NPC1: variants seen among roughly 807,000 people sequenced by gnomAD.
The protein encoded by NPC1 is Niemann-Pick C1 protein.
NPC1 carries 85 observed loss-of-function variants against 140.4 expected under a neutral mutation model. The observed-to-expected ratio is 0.61, with a 90% confidence interval of 0.51 to 0.72. NPC1 has a LOEUF of 0.72. Among genes scored for constraint, NPC1 ranks in the 30% least tolerant of loss-of-function variants. NPC1 has a pLI of 0.00. For missense variants in NPC1, 1,504 were observed against 1,623.8 expected (o/e 0.93, Z 1.27); for synonymous variants, 656 against 624.8 (o/e 1.05, Z -0.74).
chr18:23,559,758 T>C (rs2059010634), intron 6 of NPC1, among the ~76,000 whole-genome samples: 1 of 152,130 alleles, frequency 6.6e-6, no homozygotes, highest in African/African-American at 2.4e-5. Context: ...GAGATCAGCC[T>C]GGCCAACACG....
At position 23,586,491 on chromosome 18, in the gene NPC1, C is replaced by CA; in HGVS notation, c.-149_-148insT. On this transcript the variant is annotated 5_prime_UTR_variant, in exon 1 of 25. Transcript: ENST00000269228. ...GCGCTGACCGCGGCAGCAGGCTGCG[C>CA]GCGCCGGTCAGGAAGGAAGAAGGCG... 7.0e-7 allele frequency: 1 copy of CA among 1,421,686 alleles called. No individual in the cohort carries two copies. The allele number at this position is 1,421,686 out of a possible 1,614,324, so 88.1% of individuals were successfully genotyped here.
intron 3 of NPC1, among the ~76,000 whole-genome samples, chr18:23,516,727 CTTT>C (rs35162212): frequency 2.7e-5 from 2 of 73,942 alleles, no homozygotes; most frequent in Non-Finnish European, 2.9e-5. Flanking sequence ...ATTTCTTCTT[CTTT>C]TTTTTTTTTT....
chr18:23,584,356 T>C (rs781118001), intron 1 of NPC1, among the ~76,000 whole-genome samples: 2 of 152,202 alleles, frequency 1.3e-5, no homozygotes, highest in Non-Finnish European at 1.5e-5. Context: ...CCCCAATCTG[T>C]TCAGGTGCAC....
At chr18:23,529,212 C>T (rs1299224447), downstream of NPC1, 4 of 1,614,020 alleles carry the variant, frequency 2.5e-6, no homozygotes, top group Non-Finnish European at 2.5e-6. Context: ...AAGCAGCCCG[C>T]TCCTCAAGAG....
intron 14 of NPC1, among the ~76,000 whole-genome samples, chr18:23,542,690 T>C (rs956288878): frequency 3.3e-5 from 5 of 152,218 alleles, no homozygotes; most frequent in Admixed American, 2.6e-4. Flanking sequence ...GCTTCCCCAA[T>C]GAGTTGTGTG....
chr18:23,574,622 T>C (rs1368455455), intron 1 of NPC1, among the ~76,000 whole-genome samples: 2 of 152,098 alleles, frequency 1.3e-5, no homozygotes, highest in African/African-American at 4.8e-5. Context: ...CAGCAGGAGA[T>C]TGGGATTTGT....
In NPC1 at chr18:23,535,563, C is replaced by T; in HGVS notation, c.3383G>A (p.Cys1128Tyr). ...GACCAAGACCATGGCGATGGTGGCACACATGATGACTGCAGACCAGAGCTC... is the reference window on the plus strand; with the variant it reads ...GACCAAGACCATGGCGATGGTGGCATACATGATGACTGCAGACCAGAGCTC... ...GCELWSAVIM[C>Y]ATIAMVLVNM... Residue 1128 changes from cysteine to tyrosine, a missense_variant, in exon 22 of 25, where the codon TGT becomes TAT. Coordinates refer to ENST00000269228, the MANE Select transcript of NPC1 (RefSeq NM_000271.5). 1 of 1,614,106 alleles carries T rather than the reference C, an allele frequency of 6.2e-7. No individual in the cohort carries two copies. Among genetic ancestry groups the T allele is most frequent in the Non-Finnish European group, 8.5e-7 (1 of 1,180,012 alleles).
At chr18:23,515,516 C>T (rs889641653) in intron 3 of NPC1, among the ~76,000 whole-genome samples, 3 of 152,054 alleles carry the variant, frequency 2.0e-5, no homozygotes, top group Admixed American at 2.0e-4. Flanking sequence ...GATCTTCTGA[C>T]AGTTTGCTGT....
intron 3 of NPC1, chr18:23,515,786 G>A: frequency 6.3e-7 from 1 of 1,586,522 alleles, no homozygotes; most frequent in Non-Finnish European, 8.6e-7. Flanking sequence ...GCCCACCTTA[G>A]CCTCCCAAAG....
rs2058690136 is a variant in NPC1 at position 23,539,994 on chromosome 18, T to C, written c.2612A>G (p.Tyr871Cys). 1 of 1,613,382 alleles carries C rather than the reference T, an allele frequency of 6.2e-7. No homozygotes were observed. The highest frequency in any genetic ancestry group is 1.1e-5 in the South Asian group (1 of 91,088). Reference protein sequence around the residue: ...DQSLSMPDDSYMVDYFKSISQ... With the variant: ...DQSLSMPDDSCMVDYFKSISQ... ...GATGGATTTGAAATAATCCACCATG[T>C]AGGAGTCCTGAAAGAAAGATAAAAG... Residue 871 changes from tyrosine (Y) to cysteine (C), a missense_variant, in exon 18 of 25, where the codon TAC (tyrosine) becomes TGC (cysteine). Tyr to Cys is a radical substitution (Grantham distance 194, BLOSUM62 -2). Transcript: ENST00000269228.
Position 23,539,887 on chromosome 18 carries a change from T to G in NPC1, c.2719A>C (p.Met907Leu). The change falls in exon 18 of 25, where the codon ATG (methionine) becomes CTG (leucine). Residue 907 changes from methionine (M) to leucine (L), a missense_variant. Coordinates refer to ENST00000269228, the MANE Select transcript of NPC1 (RefSeq NM_000271.5). ...TTGCAGCCCATGCCGCCGCACACCA[T>G]GTTCTGCCCCTTGGAAGAAGTGTAG... ...HDYTSSKGQN[M>L]VCGGMGCNND... 6.2e-7 allele frequency: 1 copy of G among 1,614,196 alleles called. No homozygotes were observed. Among genetic ancestry groups the G allele is most frequent in the Non-Finnish European group, 8.5e-7 (1 of 1,180,024 alleles).
intron 17 of NPC1, 40 bp downstream of exon 17, chr18:23,540,408 T>C: frequency 7.9e-7 from 1 of 1,268,958 alleles, no homozygotes; most frequent in Non-Finnish European, 1.1e-6. Context: ...CATCATCAGC[T>C]AAAGAAGTTA....
intron 3 of NPC1, chr18:23,509,144 A>G (rs976319414): frequency 6.4e-5 from 41 of 643,468 alleles, no homozygotes; most frequent in Non-Finnish European, 8.3e-5. Flanking sequence ...AGAGAGTTAT[A>G]TGTGTTTTTT....
At chr18:23,557,481 C>T (rs557628375) in intron 6 of NPC1, among the ~76,000 whole-genome samples, 10 of 152,312 alleles carry the variant, frequency 6.6e-5, no homozygotes, top group Non-Finnish European at 1.0e-4. Context: ...CTGGGCTAGG[C>T]GCGGTGGCTC....
At chr18:23,511,532 CCTATAATCCCGATAAATAATTATTAT>C (rs1176340353) in intron 3 of NPC1, among the ~76,000 whole-genome samples, 4 of 152,082 alleles carry the variant, frequency 2.6e-5, no homozygotes, top group Non-Finnish European at 4.4e-5. Context: ...GCAAATGTTC[CCTATAATCCCGATAAATAATTATTAT>C]GAACAGTTTG....
exon 4 of NPC1, chr18:23,506,449 T>G (rs1181241556): frequency 6.6e-6 from 1 of 152,306 alleles, no homozygotes; most frequent in African/African-American, 2.4e-5. Context: ...CTGAGGCTGG[T>G]CTCGAATTCC....
At chr18:23,554,005 G>T (rs1013967102) in intron 9 of NPC1, among the ~76,000 whole-genome samples, 2 of 152,132 alleles carry the variant, frequency 1.3e-5, no homozygotes, top group South Asian at 2.1e-4. Context: ...TAAATCTTGT[G>T]GGGGGTGTGA....
At chr18:23,530,618 A>G (rs2058463994), downstream of NPC1, 2 of 1,611,228 alleles carry the variant, frequency 1.2e-6, no homozygotes, top group Non-Finnish European at 1.7e-6. Context: ...ACCAGGTGAG[A>G]ATGCAATGAA....
intron 1 of NPC1, among the ~76,000 whole-genome samples, chr18:23,577,595 G>T (rs551883920): frequency 3.3e-5 from 5 of 152,230 alleles, no homozygotes; most frequent in Non-Finnish European, 5.9e-5. Context: ...GGGGCTGCAG[G>T]TGGAGCTGCC....
Sources: gnomAD v4.1 joint callset for allele counts (sites outside exome capture counted in the v4.1 genomes callset) on GRCh38, gnomAD v4.1.1 for gene constraint, MANE v1.5 for transcripts, NCBI Gene and HGNC (gene_info 2026-07-23, HGNC 2026-07-21) for gene names.